The following SNX13 variants were observed in gnomAD, a reference collection of about 807,000 sequenced individuals.
The protein encoded by SNX13 is sorting nexin-13.
In SNX13, 45 loss-of-function variants were observed where a neutral mutation model predicts 133.6. The ratio of observed to expected loss-of-function variants is 0.34; its 90% CI spans 0.27 to 0.43. SNX13 has a LOEUF of 0.43. SNX13 is among the 20% of genes least tolerant of loss of function. The pLI, the probability that SNX13 is intolerant of heterozygous loss-of-function variation, is 1.00. For missense variants in SNX13, 1,032 were observed against 1,145.1 expected (o/e 0.90, Z 1.43); for synonymous variants, 414 against 373.9 (o/e 1.11, Z -1.24).
At chr7:17,843,863 G>A (rs997678829) in intron 12 of SNX13, among the ~76,000 whole-genome samples, 1 of 151,590 alleles carries the variant, frequency 6.6e-6, no homozygotes, top group African/African-American at 2.4e-5. Flanking sequence ...CACAACCAAT[G>A]GATCAAAGAA....
Position 17,850,378 on chromosome 7 carries a change from T to C in SNX13, c.1034A>G (p.Asp345Gly). ...NSLLFVKKVCDSRIQRLQSGK... is the reference protein window; with the variant it reads ...NSLLFVKKVCGSRIQRLQSGK... ...TGACTGCAATCGCTGTATTCTTGAG[T>C]CACATACCTTCTTTACGAATAGTAA... The change falls in exon 11 of 26, where the codon GAC becomes GGC. Residue 345 changes from aspartate to glycine, a missense_variant. Physicochemically the swap from Asp to Gly is moderately conservative, Grantham distance 94. Coordinates refer to ENST00000428135, the MANE Select transcript of SNX13 (RefSeq NM_015132.5). The C allele has an allele frequency of 6.3e-7, 1 of 1,597,140 alleles. No homozygotes were observed. Among genetic ancestry groups the C allele is most frequent in the Non-Finnish European group, 8.5e-7 (1 of 1,172,766 alleles).
At position 17,817,935 on chromosome 7, in the gene SNX13, AGACGGT is replaced by A. The variant is rs1350988183; in HGVS notation, c.1846-1652_1846-1647del. ...TTGAAGCCCTAACATTCAGTGCCGC[AGACGGT>A]GACTGAATTGAGAGATAAAGCCCCT... On this transcript the variant is annotated intron_variant, in intron 18 of 25. Transcript: ENST00000428135. Among the ~76,000 whole-genome samples the A allele has an allele frequency of 1.1e-4, 16 of 152,304 alleles. No individual in the cohort carries two copies. The South Asian group carries it at 1.4e-3, about 14-fold the overall frequency.
chr7:17,848,527 T>G (rs1790816476), intron 11 of SNX13, among the ~76,000 whole-genome samples: 2 of 152,218 alleles, frequency 1.3e-5, no homozygotes, highest in South Asian at 4.1e-4. Context: ...AAGAGAGCGC[T>G]GTAACACACC....
chr7:17,887,239 T>C (rs1796106995), intron 5 of SNX13, among the ~76,000 whole-genome samples: 1 of 152,184 alleles, frequency 6.6e-6, no homozygotes, highest in Non-Finnish European at 1.5e-5. Context: ...TACAGAGACA[T>C]TAAAAATTTT....
chr7:17,869,714 A>G (rs563131674), intron 8 of SNX13, among the ~76,000 whole-genome samples: 1 of 152,164 alleles, frequency 6.6e-6, no homozygotes, highest in Non-Finnish European at 1.5e-5. Flanking sequence ...GACACTTTGC[A>G]GTCTGAAATG....
intron 16 of SNX13, among the ~76,000 whole-genome samples, chr7:17,827,577 C>G (rs1421982486): frequency 6.6e-6 from 1 of 151,872 alleles, no homozygotes; most frequent in Non-Finnish European, 1.5e-5. Context: ...AGATAATCCA[C>G]AAGACTTCCC....
At chr7:17,916,575 G>A (rs1160333608) in intron 1 of SNX13, among the ~76,000 whole-genome samples, 2 of 151,954 alleles carry the variant, frequency 1.3e-5, no homozygotes, top group East Asian at 3.9e-4. Context: ...AATATTCCTG[G>A]AAACTCACAA....
rs539790192 is a variant in SNX13 at position 17,882,794 on chromosome 7, T to C, written c.441-7004A>G. The C allele has an allele frequency of 2.0e-4, 252 of 1,240,058 alleles. 2 individuals carry two copies. In the South Asian group the frequency reaches 3.4e-3, roughly 16 times the overall value. The allele number at this position is 1,240,058 out of a possible 1,614,324, so 76.8% of individuals were successfully genotyped here. ...TTCTCAAATCACTACCACAATTCCC[T>C]GTAATTTCAGAGCCAGAATTTAAAT... On this transcript the variant is annotated intron_variant, in intron 5 of 25. Coordinates refer to ENST00000428135, the MANE Select transcript of SNX13 (RefSeq NM_015132.5).
intron 11 of SNX13, among the ~76,000 whole-genome samples, chr7:17,847,175 T>C (rs902700276): frequency 6.6e-6 from 1 of 152,178 alleles, no homozygotes; most frequent in Non-Finnish European, 1.5e-5. Flanking sequence ...ATCTTTCTTC[T>C]ACGCTCATTT....
At chr7:17,907,570 T>G (rs192379643) in intron 1 of SNX13, among the ~76,000 whole-genome samples, 6 of 152,124 alleles carry the variant, frequency 3.9e-5, no homozygotes, top group Non-Finnish European at 7.4e-5. Context: ...ATCGGTGGAA[T>G]TGCACACCTG....
At chr7:17,851,547 T>C (rs996992370) in intron 9 of SNX13, among the ~76,000 whole-genome samples, 1 of 152,168 alleles carries the variant, frequency 6.6e-6, no homozygotes, top group Non-Finnish European at 1.5e-5. Context: ...TGTTTTCTGG[T>C]AAGACGGGTT....
At chr7:17,847,087 T>A (rs1386703836) in intron 11 of SNX13, among the ~76,000 whole-genome samples, 1 of 152,176 alleles carries the variant, frequency 6.6e-6, no homozygotes, top group African/African-American at 2.4e-5. Context: ...GTAAATACAC[T>A]GAGTAATGAC....
At chr7:17,870,538 CTACT>C (rs1239284522) in intron 8 of SNX13, among the ~76,000 whole-genome samples, 1 of 152,070 alleles carries the variant, frequency 6.6e-6, no homozygotes. Context: ...CATTAAAATC[CTACT>C]TATTTTAAAT....
At chr7:17,884,580 G>A (rs1027429353) in intron 5 of SNX13, among the ~76,000 whole-genome samples, 1 of 152,106 alleles carries the variant, frequency 6.6e-6, no homozygotes, top group Non-Finnish European at 1.5e-5. Flanking sequence ...ATAAATTATT[G>A]TTAATAGAGT....
chr7:17,797,813 A>G (rs533860932), intron 24 of SNX13, among the ~76,000 whole-genome samples: 2 of 151,964 alleles, frequency 1.3e-5, no homozygotes, highest in African/African-American at 4.8e-5. Context: ...CAAGTTTTGG[A>G]AACAGTATGG....
chr7:17,911,739 A>T (rs1268744223), intron 1 of SNX13, among the ~76,000 whole-genome samples: 2 of 152,182 alleles, frequency 1.3e-5, no homozygotes, highest in African/African-American at 4.8e-5. Context: ...GCAATGCTAC[A>T]AGGAGTACAA....
chr7:17,835,056 C>T (rs1442524064), intron 13 of SNX13, among the ~76,000 whole-genome samples, 191 bp from the exon 14 acceptor site: 1 of 151,846 alleles, frequency 6.6e-6, no homozygotes, highest in East Asian at 1.9e-4. Flanking sequence ...TGTACTCTTC[C>T]TCATAGCAGG....
At chr7:17,857,875 G>GATTC (rs1792117223) in intron 9 of SNX13, among the ~76,000 whole-genome samples, 3 of 152,154 alleles carry the variant, frequency 2.0e-5, no homozygotes, top group African/African-American at 4.8e-5. Flanking sequence ...AATGGTTCAA[G>GATTC]ATATGAAAAT....
chr7:17,929,186 T>C (rs1460704246), intron 1 of SNX13, among the ~76,000 whole-genome samples: 3 of 151,218 alleles, frequency 2.0e-5, no homozygotes, highest in South Asian at 4.2e-4. Flanking sequence ...AAAGCATCAG[T>C]GACAAGAAAG....
Sources: allele counts gnomAD v4.1 joint callset (sites outside exome capture counted in the v4.1 genomes callset), GRCh38; gene constraint gnomAD v4.1.1; transcripts MANE v1.5; gene names NCBI Gene and HGNC (gene_info 2026-07-23, HGNC 2026-07-21).